The following DCLK3 variants were observed in gnomAD, a reference collection of about 807,000 sequenced individuals.
DCLK3 encodes doublecortin like kinase 3.
Under a neutral mutation model 46.4 loss-of-function variants are expected in DCLK3, and 30 were observed. That is an observed-to-expected ratio of 0.65 (90% CI 0.48 to 0.88). DCLK3 has a LOEUF of 0.88. Among genes scored for constraint, DCLK3 ranks in the 40% least tolerant of loss-of-function variants. DCLK3 has a pLI of 0.00. For synonymous variants in DCLK3, 401 were observed against 339.2 expected (o/e 1.18, Z -2.00); for missense variants, 846 against 907.1 (o/e 0.93, Z 0.87).
intron 2 of DCLK3, among the ~76,000 whole-genome samples, chr3:36,723,133 AG>A (rs746651828): frequency 6.6e-5 from 10 of 152,212 alleles, no homozygotes; most frequent in Non-Finnish European, 1.2e-4. Context: ...ACTGGGACAA[AG>A]GTGACTCTTG....
In DCLK3 at chr3:36,738,042, G is replaced by A; in HGVS notation, c.1125C>T (p.Ser375=). Residue 375 remains serine, a synonymous_variant, in exon 2 of 5, where the codon AGC becomes AGT. Transcript: ENST00000636136. ...EGWKGDSHRS[S]PRNPTQELRR... is the part of the protein sequence containing the mutation. ...TCAGCTCTTGAGTGGGATTCCTGGG[G>A]CTGCTCCTGTGGCTGTCACCCTTCC... 6.2e-7 allele frequency: 1 copy of A among 1,614,040 alleles called. No individual in the cohort carries two copies. Among genetic ancestry groups the A allele is most frequent in the African/African-American group, 1.3e-5 (1 of 75,010 alleles).
chr3:36,736,068 A>G (rs1199204564), intron 2 of DCLK3, among the ~76,000 whole-genome samples: 4 of 152,264 alleles, frequency 2.6e-5, no homozygotes, highest in Non-Finnish European at 5.9e-5. Context: ...CTCCTGGCAC[A>G]CACTTGTACT....
intron 3 of DCLK3, among the ~76,000 whole-genome samples, chr3:36,718,399 C>G (rs775324341): frequency 7.9e-5 from 12 of 152,230 alleles, no homozygotes; most frequent in Non-Finnish European, 1.8e-4. Flanking sequence ...ATCACTGCCA[C>G]TTTGCAATGC....
intron 3 of DCLK3, among the ~76,000 whole-genome samples, chr3:36,720,007 G>T (rs778468367): frequency 1.3e-5 from 2 of 152,188 alleles, no homozygotes; most frequent in African/African-American, 2.4e-5. Flanking sequence ...GATACGGTTT[G>T]GATATTTGTC....
chr3:36,748,695 G>A (rs1701414125), intron 1 of DCLK3, among the ~76,000 whole-genome samples: 1 of 152,076 alleles, frequency 6.6e-6, no homozygotes, highest in African/African-American at 2.4e-5. Flanking sequence ...TGAGGCCTCG[G>A]ACCTGCCAGC....
In DCLK3 at chr3:36,738,619, G is replaced by T; in HGVS notation, c.548C>A (p.Ala183Asp). The T allele has an allele frequency of 2.2e-6, 3 of 1,366,682 alleles. No homozygotes were observed. The highest frequency in any genetic ancestry group is 2.8e-6 in the Non-Finnish European group (3 of 1,053,618). The allele number at this position is 1,366,682 out of a possible 1,614,324, so 84.7% of individuals were successfully genotyped here. A position where few individuals can be genotyped will look rare whatever the true frequency, so the allele number is the denominator to read the frequency against. ...EPLTLKSIQVAVEELYPNKAR... is the reference protein window; with the variant it reads ...EPLTLKSIQVDVEELYPNKAR... ...TTTGTTGGGGTACAGTTCTTCTACA[G>T]CCACCTGAATGCTCTTCAGTGTCAG... The change falls in exon 2 of 5, where the codon GCT becomes GAT. Residue 183 changes from alanine to aspartate, a missense_variant. Ala to Asp is a moderately radical substitution (Grantham distance 126). Transcript: ENST00000636136.
intron 3 of DCLK3, among the ~76,000 whole-genome samples, chr3:36,719,789 A>T (rs75470950): frequency 0.021 from 3,227 of 152,242 alleles, 103 homozygotes; most frequent in African/African-American, 0.071. Flanking sequence ...AATTAAACTC[A>T]GCCCATCCCC....
intron 1 of DCLK3, chr3:36,739,809 C>T (rs1265546256): frequency 6.6e-6 from 1 of 152,236 alleles, no homozygotes; most frequent in Non-Finnish European, 1.5e-5. Flanking sequence ...CAAGGATCTA[C>T]AGCTGAGATA....
intron 1 of DCLK3, among the ~76,000 whole-genome samples, chr3:36,762,335 C>T (rs1478876967): frequency 6.6e-6 from 1 of 152,102 alleles, no homozygotes; most frequent in Non-Finnish European, 1.5e-5. Flanking sequence ...TATCTGGATT[C>T]CTTAGAATCA....
intron 2 of DCLK3, among the ~76,000 whole-genome samples, chr3:36,722,003 A>G (rs558374792): frequency 6.6e-6 from 1 of 152,342 alleles, no homozygotes; most frequent in East Asian, 1.9e-4. Flanking sequence ...GCTTGTGGCT[A>G]CTATATTGGG....
chr3:36,727,461 CTTTACTTTGAAAATTTA>C lies in DCLK3; in HGVS notation c.1960-5819_1960-5803del, dbSNP rs1235982553. Among the ~76,000 whole-genome samples the C allele has an allele frequency of 2.0e-5, 3 of 152,174 alleles. No homozygotes were observed. In the East Asian group the frequency reaches 5.8e-4, roughly 29 times the overall value. ...AGATTAAATGTTTTGGAAACTCACA[CTTTACTTTGAAAATTTA>C]TTATGTTAACTATCCAGAGACTGAA... On this transcript the variant is annotated intron_variant, in intron 2 of 4. Transcript: ENST00000636136.
intron 1 of DCLK3, among the ~76,000 whole-genome samples, chr3:36,751,076 A>AAAAAAAAAAAC (rs1281107394): frequency 6.6e-6 from 1 of 150,876 alleles, no homozygotes; most frequent in Non-Finnish European, 1.5e-5. Context: ...AAAAAAAAAA[A>AAAAAAAAAAAC]AAAAAAAAAA....
chr3:36,737,676 C>G lies in DCLK3; in HGVS notation c.1491G>C (p.Arg497Ser). 1 of 1,613,602 alleles carries G rather than the reference C, an allele frequency of 6.2e-7. No individual in the cohort carries two copies. The highest frequency in any genetic ancestry group is 8.5e-7 in the Non-Finnish European group (1 of 1,179,806). Residue 497 changes from arginine to serine, a missense_variant, in exon 2 of 5, where the codon AGG becomes AGC. By Grantham distance (110) the Arg-to-Ser change is moderately radical. Transcript: ENST00000636136. This position sits in a 1 kb window ranked among gnomAD's most constrained non-coding sequence, Gnocchi z 4.4. ...GCCGCTCTGGCTTGTTCTCTTCTGG[C>G]CTCGTCTTGGGCTCCTTTTCTAGCT... ...PAKLEKEPKT[R>S]PEENKPERPS...
chr3:36,752,972 C>G (rs1015064007), intron 1 of DCLK3, among the ~76,000 whole-genome samples: 22 of 151,990 alleles, frequency 1.4e-4, no homozygotes, highest in Admixed American at 2.0e-4. Context: ...CAGTGATGTC[C>G]CTGGTATCTA....
At chr3:36,715,592 A>T in intron 4 of DCLK3, 71 bp from the exon 5 acceptor site, 1 of 1,480,948 alleles carries the variant, frequency 6.8e-7, no homozygotes, top group Non-Finnish European at 9.0e-7. Flanking sequence ...CCACACATGA[A>T]ATAAGAACAT....
intron 1 of DCLK3, among the ~76,000 whole-genome samples, chr3:36,743,105 T>C (rs1451867974): frequency 6.6e-6 from 1 of 150,622 alleles, no homozygotes; most frequent in Admixed American, 6.6e-5. Context: ...CTCATACCGG[T>C]TGAGTATCCC....
chr3:36,733,179 T>C (rs1285878862), intron 2 of DCLK3, among the ~76,000 whole-genome samples: 6 of 152,056 alleles, frequency 3.9e-5, no homozygotes, highest in Non-Finnish European at 8.8e-5. Context: ...ACCACCACCA[T>C]CTCTCCTGGA....
intron 1 of DCLK3, among the ~76,000 whole-genome samples, chr3:36,751,782 C>T (rs771948434): frequency 6.6e-6 from 1 of 152,196 alleles, no homozygotes; most frequent in Non-Finnish European, 1.5e-5. Context: ...ATTCTAAACA[C>T]AGAGCCCTAG....
rs545179709 is a variant in DCLK3, at chr3:36,735,630, C to T, written c.1959+1578G>A. 2.6e-5 allele frequency among the ~76,000 whole-genome samples: 4 copies of T among 152,356 alleles called. No homozygotes were observed. In the South Asian group the frequency reaches 8.3e-4, roughly 32 times the overall value. Reference sequence around the variant, plus strand: ...AAACAGTGTAAATCCCTTCCCCCACCTTCCCAGCTTCCTGCCAAAATATGG... The same window carrying T: ...AAACAGTGTAAATCCCTTCCCCCACTTTCCCAGCTTCCTGCCAAAATATGG... On this transcript the variant is annotated intron_variant, in intron 2 of 4. Transcript: ENST00000636136.
Sources: allele counts gnomAD v4.1 joint callset (sites outside exome capture counted in the v4.1 genomes callset), GRCh38; gene constraint gnomAD v4.1.1; non-coding constraint Gnocchi (gnomAD v3.1); transcripts MANE v1.5; gene names NCBI Gene and HGNC (gene_info 2026-07-23, HGNC 2026-07-21).